The following ADGRL4 variants were observed in gnomAD, a reference collection of about 807,000 sequenced individuals.
ADGRL4 encodes adhesion G protein-coupled receptor L4.
ADGRL4 carries 90 observed loss-of-function variants against 74.8 expected under a neutral mutation model. The ratio of observed to expected loss-of-function variants is 1.20; its 90% CI spans 1.02 to 1.43. The LOEUF is 1.43. Among genes scored for constraint, ADGRL4 ranks in the 40% most tolerant of loss-of-function variants. ADGRL4 has a pLI of 0.00. For missense variants in ADGRL4, 881 were observed against 814.3 expected (o/e 1.08, Z -1.00); for synonymous variants, 311 against 279.2 (o/e 1.11, Z -1.14).
At position 79,005,110 on chromosome 1, in the gene ADGRL4, G is replaced by A; in HGVS notation, c.132C>T (p.Cys44=). ...EIRNGIEACY[C]NMGFSGNGVT... is the part of the protein sequence containing the mutation. The stretch of plus-strand genomic sequence containing the variant: ...CACCATTTCCTGAAAATCCCATGTT[G>A]CAATAGCAGGCTTCAATTCCATTGC... The change falls in exon 2 of 15, where the codon TGC becomes TGT. Residue 44 remains cysteine, a synonymous_variant. Coordinates refer to ENST00000370742, the MANE Select transcript of ADGRL4 (RefSeq NM_022159.4). The A allele has an allele frequency of 1.9e-6, 3 of 1,612,364 alleles. No homozygotes were observed. Among genetic ancestry groups the A allele is most frequent in the Non-Finnish European group, 2.5e-6 (3 of 1,179,440 alleles).
chr1:78,932,028 A>C (rs776765854), intron 7 of ADGRL4, among the ~76,000 whole-genome samples: 1 of 151,518 alleles, frequency 6.6e-6, no homozygotes, highest in African/African-American at 2.5e-5. Flanking sequence ...AATGAGACAG[A>C]AAATAAACAA....
At position 78,937,055 on chromosome 1, in the gene ADGRL4, A is replaced by C. The variant is rs1206699279; in HGVS notation, c.761-644T>G. On this transcript the variant is annotated intron_variant, in intron 6 of 14. Transcript: ENST00000370742. Reference sequence around the variant, plus strand: ...TTTGATACAAGATTCTGAATATTTTAAGTATGAATTTGCATGAAGCAGGAA... The same window carrying C: ...TTTGATACAAGATTCTGAATATTTTCAGTATGAATTTGCATGAAGCAGGAA... Among the ~76,000 whole-genome samples the C allele has an allele frequency of 2.0e-5, 3 of 152,332 alleles. No homozygotes were observed. The South Asian group carries it at 6.2e-4, about 32-fold the overall frequency.
Position 78,921,644 on chromosome 1 carries a change from A to G in ADGRL4, c.1226T>C (p.Phe409Ser), listed in dbSNP as rs749132603. 3.8e-6 allele frequency: 6 copies of G among 1,582,158 alleles called. No homozygotes were observed. In the Admixed American group the frequency reaches 1.1e-4, roughly 29 times the overall value. ...TSCRCNHLTH[F>S]AILMSSGPSI... ...AGGACCAGAGGACATCAAAATTGCA[A>G]AATGTGTCAGGTGATTACAGCGGCA... Residue 409 changes from phenylalanine to serine, a missense_variant, in exon 9 of 15, where the codon TTT becomes TCT. By Grantham distance (155) the Phe-to-Ser change is radical. Coordinates refer to ENST00000370742, the MANE Select transcript of ADGRL4 (RefSeq NM_022159.4).
At chr1:79,000,261 T>C (rs1418483845) in intron 2 of ADGRL4, among the ~76,000 whole-genome samples, 2 of 152,216 alleles carry the variant, frequency 1.3e-5, no homozygotes, top group Non-Finnish European at 2.9e-5. Context: ...CATATGTTCA[T>C]ATTAAACCCT....
At chr1:78,998,874 T>C (rs920700950) in intron 2 of ADGRL4, among the ~76,000 whole-genome samples, 1 of 152,176 alleles carries the variant, frequency 6.6e-6, no homozygotes, top group African/African-American at 2.4e-5. Flanking sequence ...ACTTAATCTA[T>C]AAATTGGGGA....
chr1:78,900,182 G>A (rs1026808824), intron 12 of ADGRL4, among the ~76,000 whole-genome samples: 2 of 152,062 alleles, frequency 1.3e-5, no homozygotes, highest in East Asian at 1.9e-4. Context: ...TAGGAGCCCC[G>A]TCTCACAGCC....
At position 78,939,231 on chromosome 1, in the gene ADGRL4, T is replaced by C. The variant is rs768902934; in HGVS notation, c.353A>G (p.Asp118Gly). ...IENVNANCHLDNVCIAANINK... is the reference protein window; with the variant it reads ...IENVNANCHLGNVCIAANINK... ...AATATTTGCAGCTATACAGACATTA[T>C]CTAAATGGCAGTTTGCATTCACATT... The change falls in exon 4 of 15, where the codon GAT becomes GGT. Residue 118 changes from aspartate to glycine, a missense_variant. Physicochemically the swap from Asp to Gly is moderately conservative, Grantham distance 94. Transcript: ENST00000370742. 6.4e-7 allele frequency: 1 copy of C among 1,567,996 alleles called. No individual in the cohort carries two copies. Among genetic ancestry groups the C allele is most frequent in the Non-Finnish European group, 8.6e-7 (1 of 1,159,578 alleles).
chr1:78,989,700 T>G (rs915069168), intron 2 of ADGRL4, among the ~76,000 whole-genome samples: 2 of 151,834 alleles, frequency 1.3e-5, no homozygotes, highest in Non-Finnish European at 2.9e-5. Context: ...TCCTGAATGG[T>G]TTGGGAAAGT....
intron 2 of ADGRL4, among the ~76,000 whole-genome samples, chr1:78,980,329 G>T (rs1484625780): frequency 6.6e-6 from 1 of 151,512 alleles, no homozygotes; most frequent in Admixed American, 6.6e-5. Flanking sequence ...GAAGAGTGGC[G>T]ACTTTGTTTC....
At chr1:78,909,069 A>T (rs907202886) in intron 12 of ADGRL4, among the ~76,000 whole-genome samples, 1 of 151,990 alleles carries the variant, frequency 6.6e-6, no homozygotes, top group Admixed American at 6.6e-5. Flanking sequence ...AATGCTTATT[A>T]ATACATAATA....
intron 2 of ADGRL4, among the ~76,000 whole-genome samples, chr1:79,002,936 A>G (rs1482927463): frequency 6.6e-6 from 1 of 152,100 alleles, no homozygotes; most frequent in Non-Finnish European, 1.5e-5. Flanking sequence ...TGCTCTTTTA[A>G]TATGTTTAGT....
At chr1:78,919,456 G>A (rs1464301871) in intron 10 of ADGRL4, among the ~76,000 whole-genome samples, 1 of 151,808 alleles carries the variant, frequency 6.6e-6, no homozygotes. Context: ...AGGTAACGTT[G>A]GCTCAAGGAC....
At chr1:78,946,510 A>C (rs1220885409) in intron 2 of ADGRL4, 84 bp from the exon 3 acceptor site, 1 of 1,162,636 alleles carries the variant, frequency 8.6e-7, no homozygotes, top group Non-Finnish European at 1.2e-6. Context: ...TGGAATATTG[A>C]CTGTTAGATA....
At chr1:78,921,300 T>C (rs1391896954) in intron 9 of ADGRL4, among the ~76,000 whole-genome samples, 1 of 150,976 alleles carries the variant, frequency 6.6e-6, no homozygotes, top group African/African-American at 2.4e-5. Flanking sequence ...GCCTTTAAAT[T>C]CCGTGATACA....
chr1:78,996,495 G>A (rs1253576455), intron 2 of ADGRL4, among the ~76,000 whole-genome samples: 2 of 152,160 alleles, frequency 1.3e-5, no homozygotes, highest in Admixed American at 1.3e-4. Context: ...GAAGGCACAG[G>A]CACATTCCAT....
rs1462633812 is a variant in ADGRL4 at position 78,927,064 on chromosome 1, T to C, written c.905A>G (p.Tyr302Cys). The change falls in exon 8 of 15, where the codon TAT (tyrosine) becomes TGT (cysteine). Residue 302 changes from tyrosine to cysteine, a missense_variant. Coordinates refer to ENST00000370742, the MANE Select transcript of ADGRL4 (RefSeq NM_022159.4). ...NGNVAVAFVY[Y>C]KSIGPLLSSS... ...TGAAAGCAAAGGACCAATACTCTTA[T>C]AATATACAAATGCAACTGCAACATT... 2 of 1,604,168 alleles carry C rather than the reference T, an allele frequency of 1.2e-6. No individual in the cohort carries two copies. Among genetic ancestry groups the C allele is most frequent in the African/African-American group, 1.3e-5 (1 of 74,780 alleles).
At chr1:78,913,718 C>T (rs967335101) in intron 12 of ADGRL4, among the ~76,000 whole-genome samples, 8 of 151,724 alleles carry the variant, frequency 5.3e-5, no homozygotes, top group South Asian at 4.2e-4. Flanking sequence ...ACAACAAATC[C>T]GCATGACGCA....
chr1:78,912,514 A>C (rs1489401), intron 12 of ADGRL4, among the ~76,000 whole-genome samples: 2 of 151,724 alleles, frequency 1.3e-5, no homozygotes, highest in South Asian at 4.1e-4. Flanking sequence ...CAAGGGATCT[A>C]AGCTACATGC....
At chr1:79,001,488 C>T (rs1650843726) in intron 2 of ADGRL4, among the ~76,000 whole-genome samples, 2 of 152,070 alleles carry the variant, frequency 1.3e-5, no homozygotes, top group African/African-American at 4.8e-5. Flanking sequence ...AATAGCTTCT[C>T]CAGAGGGACC....
Sources: allele counts gnomAD v4.1 joint callset (sites outside exome capture counted in the v4.1 genomes callset), GRCh38; gene constraint gnomAD v4.1.1; transcripts MANE v1.5; gene names NCBI Gene and HGNC (gene_info 2026-07-23, HGNC 2026-07-21).